FAM120C: variants seen among roughly 807,000 people sequenced by gnomAD.
FAM120C encodes family with sequence similarity 120 member C.
A neutral mutation model predicts 71.2 loss-of-function variants in FAM120C; 14 were observed. The observed-to-expected ratio is 0.20, with a 90% CI of 0.13 to 0.31. The LOEUF (loss-of-function observed/expected upper bound fraction) is 0.31, where lower values mean the gene tolerates loss of function less well. Ranked by LOEUF, FAM120C falls within the 10% of genes least tolerant of loss-of-function variation. The pLI is 1.00. For synonymous variants in FAM120C, 354 were observed against 353.2 expected (o/e 1.00, Z -0.03); for missense variants, 500 against 879.0 (o/e 0.57, Z 5.45).
intron 10 of FAM120C, among the ~76,000 whole-genome samples, chrX:54,103,010 G>A (rs1041316736): frequency 1.8e-5 from 2 of 111,342 alleles, no homozygotes; most frequent in Non-Finnish European, 3.8e-5. Context: ...GAGCCACTGT[G>A]CCCAGCCTGT....
At chrX:54,098,336 C>T (rs1437900365) in intron 10 of FAM120C, among the ~76,000 whole-genome samples, 2 of 111,625 alleles carry the variant, frequency 1.8e-5, no homozygotes, top group Non-Finnish European at 3.8e-5. Context: ...CCACCGTGCC[C>T]GGCCTATTAT....
Position 54,075,489 on chromosome X carries a change from T to C in FAM120C, c.3037-2202A>G, listed in dbSNP as rs782055679. Among the ~76,000 whole-genome samples, 2 of 111,972 alleles carry C rather than the reference T, an allele frequency of 1.8e-5. 1 individual carries two copies. The highest frequency in any genetic ancestry group is 5.6e-4 in the East Asian group (2 of 3,572). On this transcript the variant is annotated intron_variant, in intron 15 of 15. Coordinates refer to ENST00000375180, the MANE Select transcript of FAM120C (RefSeq NM_017848.6). ...ACCAAATACATCAAAACATTACAAG[T>C]AAGTGACTTAAGAATTTAAGAACAG...
intron 15 of FAM120C, among the ~76,000 whole-genome samples, chrX:54,074,384 ACAG>A (rs1373961152): frequency 8.9e-6 from 1 of 112,504 alleles, no homozygotes; most frequent in Admixed American, 9.5e-5. Context: ...GAAAAAAAAC[ACAG>A]AAGATCTATG....
Position 54,068,740 on chromosome X carries a change from T to G in FAM120C, c.*4293A>C, listed in dbSNP as rs1159675291. 1 of 111,256 alleles carries G rather than the reference T, an allele frequency of 9.0e-6. No homozygotes were observed. The highest frequency in any genetic ancestry group is 1.9e-5 in the Non-Finnish European group (1 of 53,165). 9.2% of individuals were successfully genotyped at this position (111,256 alleles called of 1,213,427 possible). A position where few individuals can be genotyped will look rare whatever the true frequency, so the allele number is the denominator to read the frequency against. On this transcript the variant is annotated 3_prime_UTR_variant, in exon 16 of 16. Transcript: ENST00000375180. ...AGTCACTGACTCCTTGCAGTTAAAG[T>G]TTCTTTACCTAGTGTGTTATTCTAA... is the stretch of plus-strand genomic sequence containing the variant.
intron 9 of FAM120C, among the ~76,000 whole-genome samples, chrX:54,117,098 C>T (rs112568327): frequency 0.015 from 1,688 of 110,301 alleles, 27 homozygotes; most frequent in African/African-American, 0.054. Flanking sequence ...GTGGTTCACA[C>T]GTTTAATCCC....
intron 12 of FAM120C, 75 bp downstream of exon 12, chrX:54,087,680 G>T: frequency 1.0e-6 from 1 of 987,982 alleles, no homozygotes; most frequent in African/African-American, 1.9e-5. Flanking sequence ...CACTATCTCT[G>T]CTCCTTTCCC....
In FAM120C at chrX:54,132,715, A is replaced by G. The variant is rs1200749492; in HGVS notation, c.2039T>C (p.Met680Thr). ...ACCTTCCACAGGCAGCCGCCGTCGC[A>G]TGGCCAAGCGTTCCATTTTCCTCTG... ...ETQRKMERLA[M>T]RRRLPVEVPS... The change falls in exon 9 of 16, where the codon ATG becomes ACG. Residue 680 changes from methionine (M) to threonine (T), a missense_variant. Physicochemically the swap from Met to Thr is moderately conservative, Grantham distance 81. Transcript: ENST00000375180. 1 of 1,204,654 alleles carries G rather than the reference A, an allele frequency of 8.3e-7. No homozygotes were observed. Among genetic ancestry groups the G allele is most frequent in the Non-Finnish European group, 1.1e-6 (1 of 893,262 alleles).
chrX:54,146,272 G>A (rs1030383624), intron 4 of FAM120C, among the ~76,000 whole-genome samples: 17 of 110,936 alleles, frequency 1.5e-4, no homozygotes, highest in Non-Finnish European at 2.3e-4. Flanking sequence ...AAACCTGCAC[G>A]TTGTGCACAT....
chrX:54,171,594 T>C (rs1275896595), intron 1 of FAM120C: 1 of 111,797 alleles, frequency 8.9e-6, no homozygotes, highest in Non-Finnish European at 1.9e-5. Context: ...CACATTTATG[T>C]GCCAAGAGGT....
At position 54,136,555 on chromosome X, in the gene FAM120C, T is replaced by C. The variant is rs782219516; in HGVS notation, c.1194A>G (p.Lys398=). 8.3e-7 allele frequency: 1 copy of C among 1,209,553 alleles called. No individual in the cohort carries two copies. Among genetic ancestry groups the C allele is most frequent in the Non-Finnish European group, 1.1e-6 (1 of 893,643 alleles). The part of the protein sequence containing the change: ...RTEDKIERFK[K]AVEYYSVTTK... Reference sequence around the variant, plus strand: ...TTGTGACTGAATAATACTCAACTGCTTTCTTGAATCGCTCTATTTTATCTT... The same window carrying C: ...TTGTGACTGAATAATACTCAACTGCCTTCTTGAATCGCTCTATTTTATCTT... Residue 398 remains lysine, a synonymous_variant, in exon 5 of 16, where the codon AAA becomes AAG. Coordinates refer to ENST00000375180, the MANE Select transcript of FAM120C (RefSeq NM_017848.6).
chrX:54,176,958 A>G (rs186503931), intron 1 of FAM120C, among the ~76,000 whole-genome samples: 20 of 112,129 alleles, frequency 1.8e-4, no homozygotes, highest in African/African-American at 5.8e-4. Context: ...ACCACAGCTG[A>G]CAGAGGCTGG....
chrX:54,117,693 G>C (rs782549250), intron 9 of FAM120C, among the ~76,000 whole-genome samples: 82 of 106,579 alleles, frequency 7.7e-4, no homozygotes, highest in Non-Finnish European at 1.4e-3. Context: ...GCGAGACTTC[G>C]TTTGAAAAAA....
intron 9 of FAM120C, among the ~76,000 whole-genome samples, chrX:54,128,171 C>T: frequency 9.1e-6 from 1 of 110,423 alleles, no homozygotes; most frequent in Non-Finnish European, 1.9e-5. Context: ...TCTCACCACC[C>T]TCCCACCCCC....
At chrX:54,108,883 T>TCG (rs1205738509) in intron 10 of FAM120C, among the ~76,000 whole-genome samples, 4 of 84,470 alleles carry the variant, frequency 4.7e-5, no homozygotes, top group Non-Finnish European at 9.2e-5. Context: ...TGAGCTGAGA[T>TCG]CGCGCCACTG....
chrX:54,132,742 G>A lies in FAM120C; in HGVS notation c.2012C>T (p.Thr671Ile). The change falls in exon 9 of 16, where the codon ACA becomes ATA. Residue 671 changes from threonine to isoleucine, a missense_variant. This residue lies in a region of FAM120C where 104 missense variants were observed against 254.5 expected (regional missense o/e 0.41). Transcript: ENST00000375180. Reference protein sequence around the residue: ...VYGVLFSLAETQRKMERLAMR... With the variant: ...VYGVLFSLAEIQRKMERLAMR... Reference sequence around the variant, plus strand: ...GGCCAAGCGTTCCATTTTCCTCTGTGTCTCTGCCAGACTAAAAAGAACTCC... The same window carrying A: ...GGCCAAGCGTTCCATTTTCCTCTGTATCTCTGCCAGACTAAAAAGAACTCC... 1 of 1,208,416 alleles carries A rather than the reference G, an allele frequency of 8.3e-7. No individual in the cohort carries two copies. Among genetic ancestry groups the A allele is most frequent in the Non-Finnish European group, 1.1e-6 (1 of 894,032 alleles).
At chrX:54,125,298 C>G (rs1051116810) in intron 9 of FAM120C, among the ~76,000 whole-genome samples, 1 of 110,695 alleles carries the variant, frequency 9.0e-6, no homozygotes, top group East Asian at 2.8e-4. Flanking sequence ...ATACCTCTGC[C>G]TAGTCTTTTT....
chrX:54,143,079 C>G (rs1457372083), intron 4 of FAM120C, among the ~76,000 whole-genome samples: 1 of 111,553 alleles, frequency 9.0e-6, no homozygotes, highest in Non-Finnish European at 1.9e-5. Context: ...ACACCAAAAC[C>G]CCATCTGTAC....
chrX:54,073,065 G>A lies in FAM120C; in HGVS notation c.3259C>T (p.Leu1087=), dbSNP rs1183091683. The change falls in exon 16 of 16, where the codon CTA becomes TTA. Residue 1087 remains leucine, a synonymous_variant. Transcript: ENST00000375180. ...REKNHLQEQK[L]ETVAQRKED Reference sequence around the variant, plus strand: ...TCTTTCCGTTGTGCCACAGTTTCTAGCTTTTGCTCTTGTAAGTGGTTCTTC... The same window carrying A: ...TCTTTCCGTTGTGCCACAGTTTCTAACTTTTGCTCTTGTAAGTGGTTCTTC... The A allele has an allele frequency of 8.3e-7, 1 of 1,209,165 alleles. No individual in the cohort carries two copies. Among genetic ancestry groups the A allele is most frequent in the Non-Finnish European group, 1.1e-6 (1 of 893,960 alleles).
chrX:54,077,939 C>CTTTTTT lies in FAM120C; in HGVS notation c.3036+2287_3036+2292dup, dbSNP rs1194855968. Among the ~76,000 whole-genome samples the CTTTTTT allele has an allele frequency of 3.3e-4, 18 of 55,309 alleles. 1 individual carries two copies. Among genetic ancestry groups the CTTTTTT allele is most frequent in the Middle Eastern group, 0.03 (1 of 33 alleles). The allele number at this position is 55,309 out of a possible 115,157, so 48.0% of individuals were successfully genotyped here. On this transcript the variant is annotated intron_variant, in intron 15 of 15. Coordinates refer to ENST00000375180, the MANE Select transcript of FAM120C (RefSeq NM_017848.6). ...ACTAAGAGATCCAATAAGATCTACT[C>CTTTTTT]TTTTTTTTTTTTTTTTTTTTTTGAG...
Sources: gnomAD v4.1 joint callset for allele counts (sites outside exome capture counted in the v4.1 genomes callset) on GRCh38, gnomAD v4.1.1 for gene constraint, gnomAD v4.1.1 regional missense constraint, MANE v1.5 for transcripts, NCBI Gene and HGNC (gene_info 2026-07-23, HGNC 2026-07-21) for gene names.